The following DGCR2 variants were observed in gnomAD, a reference collection of about 807,000 sequenced individuals.
The protein encoded by DGCR2 is integral membrane protein DGCR2/IDD.
A neutral mutation model predicts 51.6 loss-of-function variants in DGCR2; 24 were observed. The observed-to-expected ratio is 0.47, with a 90% CI of 0.34 to 0.65. The LOEUF (loss-of-function observed/expected upper bound fraction) is 0.65. Ranked by LOEUF, DGCR2 falls within the 30% of genes least tolerant of loss-of-function variation. DGCR2 has a pLI of 0.01. For synonymous variants in DGCR2, 340 were observed against 315.4 expected, an observed-to-expected ratio of 1.08 and a Z score of -0.82; for missense variants, 765 against 772.1, an observed-to-expected ratio of 0.99 and a Z score of 0.11.
At position 19,037,505 on chromosome 22, in the gene DGCR2, A is replaced by T. The variant is rs2082383206; in HGVS notation, c.*1360T>A. 1 of 152,278 alleles carries T rather than the reference A, an allele frequency of 6.6e-6. No individual in the cohort carries two copies. The highest frequency in any genetic ancestry group is 1.5e-5 in the Non-Finnish European group (1 of 68,092). 9.4% of individuals were successfully genotyped at this position (152,278 alleles called of 1,614,324 possible). A position where few individuals can be genotyped will look rare whatever the true frequency, so the allele number is the denominator to read the frequency against. The stretch of plus-strand genomic sequence containing the variant: ...GAGCGAGACAGCACTGCCTCAGCAC[A>T]GCCCAGGATGCATCGATGACCCTGG... On this transcript the variant is annotated 3_prime_UTR_variant, in exon 10 of 10. Transcript: ENST00000263196.
intron 1 of DGCR2, among the ~76,000 whole-genome samples, chr22:19,105,857 C>A (rs2083256182): frequency 6.6e-6 from 1 of 152,074 alleles, no homozygotes; most frequent in East Asian, 1.9e-4. Context: ...GCCATCTGCC[C>A]TTTTATGGAG....
intron 1 of DGCR2, among the ~76,000 whole-genome samples, chr22:19,115,469 G>A (rs116768319): frequency 3.9e-5 from 6 of 152,304 alleles, no homozygotes; most frequent in Admixed American, 2.6e-4. Context: ...CCCTACCCCC[G>A]GATCCCATCC....
Position 19,053,586 on chromosome 22 carries a change from G to C in DGCR2, c.802+3400C>G, listed in dbSNP as rs144313984. Among the ~76,000 whole-genome samples the C allele has an allele frequency of 1.9e-3, 286 of 152,296 alleles. 5 individuals carry two copies. The highest frequency in any genetic ancestry group is 0.018 in the South Asian group (85 of 4,824). ...TCCCCACAAGAAAGGCCTAGTGGAA[G>C]TAAAGGCATAGCCACTGCAAGCACA... is the stretch of plus-strand genomic sequence containing the variant. On this transcript the variant is annotated intron_variant, in intron 6 of 9. Coordinates refer to ENST00000263196, the MANE Select transcript of DGCR2 (RefSeq NM_005137.3).
chr22:19,122,039 G>A (rs1372123639), intron 1 of DGCR2, 89 bp downstream of exon 1: 3 of 1,006,764 alleles, frequency 3.0e-6, no homozygotes, highest in Non-Finnish European at 3.9e-6. Flanking sequence ...GGCCCCTGCA[G>A]GAGGGCGCCG....
At chr22:19,060,816 G>C (rs1414091621) in intron 5 of DGCR2, 2 of 501,072 alleles carry the variant, frequency 4.0e-6, no homozygotes, top group African/African-American at 2.0e-5. Flanking sequence ...GTGTGGGCCT[G>C]GGGGAGCGCC....
At chr22:19,055,691 T>C (rs779967290) in intron 6 of DGCR2, 4 of 152,096 alleles carry the variant, frequency 2.6e-5, no homozygotes, top group African/African-American at 7.2e-5. Flanking sequence ...GGGTCAAAAA[T>C]AGGCAACATA....
At chr22:19,092,879 C>CG (rs1331426852) in intron 1 of DGCR2, among the ~76,000 whole-genome samples, 1 of 138,512 alleles carries the variant, frequency 7.2e-6, no homozygotes, top group African/African-American at 2.8e-5. Flanking sequence ...CTGCGAAACA[C>CG]GGAAGAAAGA....
chr22:19,074,311 G>T (rs1360080651), intron 2 of DGCR2, among the ~76,000 whole-genome samples: 1 of 151,450 alleles, frequency 6.6e-6, no homozygotes, highest in East Asian at 1.9e-4. Context: ...CTGTAATCCC[G>T]GCTACTCAGG....
chr22:19,110,139 C>T (rs896188540), intron 1 of DGCR2, among the ~76,000 whole-genome samples: 4 of 152,224 alleles, frequency 2.6e-5, no homozygotes, highest in Admixed American at 1.3e-4. Context: ...TATTTCAAAA[C>T]CTAAGTTGAA....
Position 19,059,831 on chromosome 22 carries a change from G to T in DGCR2, c.626-2669C>A, listed in dbSNP as rs117736630. On this transcript the variant is annotated intron_variant, in intron 5 of 9. Coordinates refer to ENST00000263196, the MANE Select transcript of DGCR2 (RefSeq NM_005137.3). The stretch of plus-strand genomic sequence containing the variant: ...CCACCACATCCTCTCCCACATGTGC[G>T]AGCAGCCACTGCCACCTCCATGTCC... Among the ~76,000 whole-genome samples the T allele has an allele frequency of 2.6e-5, 4 of 152,168 alleles. No homozygotes were observed. In the East Asian group the frequency reaches 5.8e-4, roughly 22 times the overall value.
At chr22:19,063,662 T>G (rs1465812397) in intron 4 of DGCR2, among the ~76,000 whole-genome samples, 7 of 152,018 alleles carry the variant, frequency 4.6e-5, no homozygotes, top group African/African-American at 1.4e-4. Context: ...ACACTGAGCT[T>G]CTAACATGAG....
At chr22:19,103,020 T>C (rs1272178806) in intron 1 of DGCR2, among the ~76,000 whole-genome samples, 1 of 152,092 alleles carries the variant, frequency 6.6e-6, no homozygotes, top group Admixed American at 6.6e-5. Context: ...CTAAAAAAGA[T>C]AATATGGTAA....
intron 6 of DGCR2, among the ~76,000 whole-genome samples, chr22:19,049,439 G>C (rs549092499): frequency 6.6e-6 from 1 of 152,252 alleles, no homozygotes; most frequent in Non-Finnish European, 1.5e-5. Context: ...AAAGAGACAT[G>C]AGAAGGTAGC....
chr22:19,078,182 T>C (rs944301506), intron 2 of DGCR2, among the ~76,000 whole-genome samples: 9 of 152,364 alleles, frequency 5.9e-5, no homozygotes, highest in African/African-American at 1.4e-4. Context: ...CAGTCTTTCA[T>C]GTGTACTTAA....
At chr22:19,084,562 G>A (rs1396583048) in intron 2 of DGCR2, among the ~76,000 whole-genome samples, 2 of 132,306 alleles carry the variant, frequency 1.5e-5, no homozygotes, top group Non-Finnish European at 3.2e-5. Flanking sequence ...CCCTCCGCCC[G>A]GCAGCCACCC....
Position 19,041,833 on chromosome 22 carries a change from C to A in DGCR2, c.1133G>T (p.Arg378Leu), listed in dbSNP as rs142513620. The change falls in exon 8 of 10, where the codon CGC (arginine) becomes CTC (leucine). Residue 378 changes from arginine (R) to leucine (L), a missense_variant. By Grantham distance (102) the Arg-to-Leu change is moderately radical (BLOSUM62 -2). This residue lies in a region of DGCR2 where 190 missense variants were observed against 265.2 expected (regional missense o/e 0.72). Transcript: ENST00000263196. Reference protein sequence around the residue: ...VHRLRQRRRERIESLIGANLH... With the variant: ...VHRLRQRRRELIESLIGANLH... ...GTTTGCTCCAATCAGGGACTCGATG[C>A]GCTCCCGGCGCCGCTGGCGCAGCCG... The A allele has an allele frequency of 1.2e-6, 2 of 1,612,644 alleles. No homozygotes were observed. Among genetic ancestry groups the A allele is most frequent in the South Asian group, 1.1e-5 (1 of 91,012 alleles).
At chr22:19,076,494 T>C (rs1351091681) in intron 2 of DGCR2, among the ~76,000 whole-genome samples, 3 of 152,068 alleles carry the variant, frequency 2.0e-5, no homozygotes, top group Non-Finnish European at 2.9e-5. Context: ...TGGGTGGCAC[T>C]GTCATACTGT....
At position 19,038,873 on chromosome 22, in the gene DGCR2, C is replaced by T. The variant is rs2082399719; in HGVS notation, c.1645G>A (p.Val549Met). 1.9e-6 allele frequency: 3 copies of T among 1,612,784 alleles called. No individual in the cohort carries two copies. Among genetic ancestry groups the T allele is most frequent in the Middle Eastern group, 1.6e-4 (1 of 6,084 alleles). Residue 549 changes from valine (V) to methionine (M), a missense_variant, in exon 10 of 10, where the codon GTG becomes ATG. By Grantham distance (21) the Val-to-Met change is conservative. This residue lies in a region of DGCR2 where 205 missense variants were observed against 181.4 expected (regional missense o/e 1.13). Transcript: ENST00000263196. Reference sequence around the variant, plus strand: ...GGTACAGGCCAGGCCGTCTACACCACAGTATTGAGGGAGCTGCGGCTGTGG... The same window carrying T: ...GGTACAGGCCAGGCCGTCTACACCATAGTATTGAGGGAGCTGCGGCTGTGG... ...GRHSRSSLNTVV is the reference protein window; with the variant it reads ...GRHSRSSLNTMV
chr22:19,073,434 C>T (rs2082838841), intron 2 of DGCR2, among the ~76,000 whole-genome samples: 1 of 152,008 alleles, frequency 6.6e-6, no homozygotes, highest in Non-Finnish European at 1.5e-5. Flanking sequence ...ATAAAGAGTT[C>T]CAGAAAAAGG....
Sources: allele counts gnomAD v4.1 joint callset (sites outside exome capture counted in the v4.1 genomes callset), GRCh38; gene constraint gnomAD v4.1.1; regional missense constraint gnomAD v4.1.1; transcripts MANE v1.5; gene names NCBI Gene and HGNC (gene_info 2026-07-23, HGNC 2026-07-21).